Variants in CERS1 observed in about 807,000 individuals in gnomAD.
CERS1 encodes the protein Embryonic growth/differentiation factor 1.
In CERS1, 16 loss-of-function variants were observed where a neutral mutation model predicts 35.7. That is an observed-to-expected ratio of 0.45 (90% CI 0.30 to 0.68). CERS1 has a LOEUF of 0.68. Ranked by LOEUF, CERS1 falls within the 30% of genes least tolerant of loss-of-function variation. The pLI is 0.08. For synonymous variants in CERS1, 243 were observed against 201.6 expected (o/e 1.21, Z -1.74); for missense variants, 454 against 453.9 (o/e 1.00, Z 0.00).
chr19:18,870,243 G>T lies in CERS1; in HGVS notation c.*334C>A. 1 of 1,552,918 alleles carries T rather than the reference G, an allele frequency of 6.4e-7. No individual in the cohort carries two copies. The highest frequency in any genetic ancestry group is 8.7e-7 in the Non-Finnish European group (1 of 1,151,892). Reference sequence around the variant, plus strand: ...GGGGGCGCGGGTCAGGGGCAGCGAGGGCAGCAGCAGGGCCAGGAGGAGGAG... The same window carrying T: ...GGGGGCGCGGGTCAGGGGCAGCGAGTGCAGCAGCAGGGCCAGGAGGAGGAG... On this transcript the variant is annotated 3_prime_UTR_variant, in exon 7 of 8. Transcript: ENST00000623882. The surrounding 1 kb of genome is among the most constrained non-coding windows in gnomAD (Gnocchi z 5.1).
At chr19:18,891,782 G>C (rs57534766) in intron 2 of CERS1, among the ~76,000 whole-genome samples, 2 of 151,596 alleles carry the variant, frequency 1.3e-5, no homozygotes, top group South Asian at 4.2e-4. Context: ...TGTTGCCCCA[G>C]CTGCTCTTGA....
chr19:18,873,533 C>T (rs958779486), intron 6 of CERS1, among the ~76,000 whole-genome samples: 2 of 151,678 alleles, frequency 1.3e-5, no homozygotes, highest in African/African-American at 2.4e-5. Flanking sequence ...CCCATCTCTA[C>T]AAAAATTTTA....
At chr19:18,873,132 C>T (rs2056004004) in intron 6 of CERS1, among the ~76,000 whole-genome samples, 1 of 152,112 alleles carries the variant, frequency 6.6e-6, no homozygotes, top group Non-Finnish European at 1.5e-5. Flanking sequence ...GGTTTTGCCC[C>T]AAATTGCTGT....
Position 18,870,558 on chromosome 19 carries a change from G to T in CERS1, c.*19C>A. 1 of 562,340 alleles carries T rather than the reference G, an allele frequency of 1.8e-6. No individual in the cohort carries two copies. The highest frequency in any genetic ancestry group is 3.1e-5 in the East Asian group (1 of 32,112). The allele number at this position is 562,340 out of a possible 1,614,324, so 34.8% of individuals were successfully genotyped here. A position where few individuals can be genotyped will look rare whatever the true frequency, so the allele number is the denominator to read the frequency against. ...GTATTCGGGGTGGGGCCGGGTCCAC[G>T]GGGGCGGGGCCGAGGGGTTCAGAAG... On this transcript the variant is annotated 3_prime_UTR_variant, in exon 7 of 8. Coordinates refer to ENST00000623882, the MANE Select transcript of CERS1 (RefSeq NM_021267.5). This position sits in a 1 kb window ranked among gnomAD's most constrained non-coding sequence, Gnocchi z 5.1.
At chr19:18,884,390 G>T in intron 2 of CERS1, 123 bp from the exon 3 acceptor site, 1 of 856,810 alleles carries the variant, frequency 1.2e-6, no homozygotes, top group Non-Finnish European at 1.7e-6. Flanking sequence ...ATGCGTGTCT[G>T]ACTGCTGGCT....
chr19:18,888,519 T>TAAAAAAAAAAAA (rs781426705), intron 2 of CERS1, among the ~76,000 whole-genome samples: 1 of 59,030 alleles, frequency 1.7e-5, no homozygotes, highest in African/African-American at 7.6e-5. Flanking sequence ...CCCTGTCTCT[T>TAAAAAAAAAAAA]AAAAAAAAAA....
Position 18,879,224 on chromosome 19 carries a change from A to G in CERS1, c.900+17T>C. 2 of 1,613,242 alleles carry G rather than the reference A, an allele frequency of 1.2e-6. No individual in the cohort carries two copies. The highest frequency in any genetic ancestry group is 8.5e-7 in the Non-Finnish European group (1 of 1,179,694). On this transcript the variant is annotated intron_variant, in intron 5 of 7. Coordinates refer to ENST00000623882, the MANE Select transcript of CERS1 (RefSeq NM_021267.5). ...GGACGGGACCGCCACTGTGGAGGAG[A>G]GCCGGGGCCGACTCACCAGGAACCA...
chr19:18,879,065 G>T (rs2056125707), intron 5 of CERS1, 26 bp from the exon 6 acceptor site: 1 of 1,610,676 alleles, frequency 6.2e-7, no homozygotes, highest in African/African-American at 1.3e-5. Context: ...GGAGGTGCCA[G>T]TGAGAAGAAA....
intron 2 of CERS1, among the ~76,000 whole-genome samples, chr19:18,892,856 C>T (rs1006636421): frequency 4.6e-5 from 7 of 152,160 alleles, no homozygotes; most frequent in Non-Finnish European, 8.8e-5. Context: ...TTGGGGCTGG[C>T]TTAACTTCTG....
rs111874085 is a variant in CERS1, at chr19:18,880,359, T to C, written c.667A>G (p.Ile223Val). The change falls in exon 4 of 8, where the codon ATT (isoleucine) becomes GTT (valine). Residue 223 changes from isoleucine (I) to valine (V), a missense_variant. Ile to Val is a conservative substitution (Grantham distance 29, BLOSUM62 3). Coordinates refer to ENST00000623882, the MANE Select transcript of CERS1 (RefSeq NM_021267.5). ...DVQLEFTKLNIYFKSRGGSYH... is the reference protein window; with the variant it reads ...DVQLEFTKLNVYFKSRGGSYH... ...GAGCCGCCGCGGGACTTGAAGTAAA[T>C]GTTGAGCTTGGTGAACTCAAGCTGC... The C allele has an allele frequency of 8.3e-6, 13 of 1,570,064 alleles. No homozygotes were observed. The highest frequency in any genetic ancestry group is 8.1e-5 in the African/African-American group (6 of 73,974).
At chr19:18,885,729 C>T (rs763161261) in intron 2 of CERS1, among the ~76,000 whole-genome samples, 13 of 150,334 alleles carry the variant, frequency 8.6e-5, no homozygotes, top group Non-Finnish European at 1.9e-4. Flanking sequence ...TCATGTTGGC[C>T]AGGCTGGTCT....
At chr19:18,869,897 G>T in intron 7 of CERS1, 86 bp downstream of exon 7, 1 of 1,353,374 alleles carries the variant, frequency 7.4e-7, no homozygotes, top group Non-Finnish European at 1.0e-6. Context: ...CCTCGGAGCT[G>T]CTCGGGCATC....
In CERS1 at chr19:18,870,608, C is replaced by T. The variant is rs963048342; in HGVS notation, c.1022G>A (p.Arg341Lys). The change falls in exon 7 of 8, where the codon AGG becomes AAG. Residue 341 changes from arginine to lysine, a missense_variant. Arg to Lys is a conservative substitution (Grantham distance 26). Transcript: ENST00000623882. This position sits in a 1 kb window ranked among gnomAD's most constrained non-coding sequence, Gnocchi z 5.1. Reference sequence around the variant, plus strand: ...GCGCTTGTCCTTCACCAGGCCGTTCCTCAGTGGCTTCCTGGGGGTCAGAAC... The same window carrying T: ...GCGCTTGTCCTTCACCAGGCCGTTCTTCAGTGGCTTCCTGGGGGTCAGAAC... ...LKPSKAEKPL[R>K]NGLVKDKRF The T allele has an allele frequency of 5.2e-6, 3 of 577,746 alleles. No individual in the cohort carries two copies. The highest frequency in any genetic ancestry group is 9.4e-6 in the Non-Finnish European group (3 of 319,036). The allele number at this position is 577,746 out of a possible 1,614,324, so 35.8% of individuals were successfully genotyped here.
At position 18,869,082 on chromosome 19, in the gene CERS1, T is replaced by C. The variant is rs890473382; in HGVS notation, c.*903A>G. ...CGTAGCGCCAGCGCCAGGCGGAGGC[T>C]GCGCGGCCATGAGGCGTTGCGAGCC... On this transcript the variant is annotated 3_prime_UTR_variant, in exon 8 of 8. Coordinates refer to ENST00000623882, the MANE Select transcript of CERS1 (RefSeq NM_021267.5). The C allele has an allele frequency of 1.7e-5, 18 of 1,063,120 alleles. No individual in the cohort carries two copies. The highest frequency in any genetic ancestry group is 1.9e-5 in the Non-Finnish European group (17 of 880,474). 65.9% of individuals were successfully genotyped at this position (1,063,120 alleles called of 1,614,324 possible). A position where few individuals can be genotyped will look rare whatever the true frequency, so the allele number is the denominator to read the frequency against.
At position 18,891,393 on chromosome 19, in the gene CERS1, C is replaced by A. The variant is rs2056487421; in HGVS notation, c.409+2023G>T. Among the ~76,000 whole-genome samples, 3 of 152,294 alleles carry A rather than the reference C, an allele frequency of 2.0e-5. No homozygotes were observed. The South Asian group carries it at 6.2e-4, about 32-fold the overall frequency. On this transcript the variant is annotated intron_variant, in intron 2 of 7. Transcript: ENST00000623882. ...CAGGGCAGAGAAGCCGCAGCCCCCA[C>A]TGCCCCATCGCAGATGGGGTTTCCT...
In CERS1 at chr19:18,869,144, C is replaced by G. The variant is rs1194443998; in HGVS notation, c.*841G>C. The G allele has an allele frequency of 2.2e-5, 25 of 1,116,056 alleles. No individual in the cohort carries two copies. Among genetic ancestry groups the G allele is most frequent in the South Asian group, 3.2e-5 (1 of 30,796 alleles). 69.1% of individuals were successfully genotyped at this position (1,116,056 alleles called of 1,614,324 possible). A position where few individuals can be genotyped will look rare whatever the true frequency, so the allele number is the denominator to read the frequency against. ...CAGCAGCTCCGCGCGCACTGGCGGC[C>G]CCAGGGCGGGCACCAACTGGCGGAG... On this transcript the variant is annotated 3_prime_UTR_variant, in exon 8 of 8. Coordinates refer to ENST00000623882, the MANE Select transcript of CERS1 (RefSeq NM_021267.5).
At chr19:18,882,450 T>C (rs1215019888) in intron 3 of CERS1, among the ~76,000 whole-genome samples, 1 of 151,436 alleles carries the variant, frequency 6.6e-6, no homozygotes, top group Non-Finnish European at 1.5e-5. Flanking sequence ...CTGGCCAACA[T>C]GGTGAAACCC....
At position 18,870,375 on chromosome 19, in the gene CERS1, C is replaced by A; in HGVS notation, c.*202G>T. ...CGGCCCGGGACCAGTGGGCTGAGGG[C>A]GGGGCCGGTGTCCCCGGAGGGGCAG... On this transcript the variant is annotated 3_prime_UTR_variant, in exon 7 of 8. Transcript: ENST00000623882. This position sits in a 1 kb window ranked among gnomAD's most constrained non-coding sequence, Gnocchi z 5.1. The A allele has an allele frequency of 6.7e-7, 1 of 1,491,100 alleles. No individual in the cohort carries two copies. Among genetic ancestry groups the A allele is most frequent in the East Asian group, 2.6e-5 (1 of 37,866 alleles). 92.4% of individuals were successfully genotyped at this position (1,491,100 alleles called of 1,614,324 possible). A position where few individuals can be genotyped will look rare whatever the true frequency, so the allele number is the denominator to read the frequency against.
At chr19:18,875,142 GGCA>G (rs1201769572) in intron 6 of CERS1, among the ~76,000 whole-genome samples, 1 of 151,414 alleles carries the variant, frequency 6.6e-6, no homozygotes, top group Non-Finnish European at 1.5e-5. Flanking sequence ...AGGCTGAGGC[GGCA>G]GGATCACTTA....
Sources: allele counts gnomAD v4.1 joint callset (sites outside exome capture counted in the v4.1 genomes callset), GRCh38; gene constraint gnomAD v4.1.1; non-coding constraint Gnocchi (gnomAD v3.1); transcripts MANE v1.5; gene names NCBI Gene and HGNC (gene_info 2026-07-23, HGNC 2026-07-21).